Variants in TFEB observed in about 807,000 individuals in gnomAD.
TFEB encodes the protein transcription factor EB.
In TFEB, 12 loss-of-function variants were observed where a neutral mutation model predicts 48.0. That is an observed-to-expected ratio of 0.25 (90% CI 0.16 to 0.40). The LOEUF (loss-of-function observed/expected upper bound fraction) is 0.40, where lower values mean the gene tolerates loss of function less well. Ranked by LOEUF, TFEB falls within the 10% of genes least tolerant of loss-of-function variation. The probability of loss-of-function intolerance (pLI) is 1.00; values close to 1 mark genes in which losing one functional copy is unlikely to be tolerated. For missense variants in TFEB, 509 were observed against 640.3 expected (o/e 0.79, Z 2.21); for synonymous variants, 244 against 261.4 (o/e 0.93, Z 0.64).
rs962854973 is a variant in TFEB at position 41,724,278 on chromosome 6, G to A, written c.-23+11072C>T. Among the ~76,000 whole-genome samples the A allele has an allele frequency of 2.0e-5, 3 of 152,184 alleles. No individual in the cohort carries two copies. The highest frequency in any genetic ancestry group is 2.9e-5 in the Non-Finnish European group (2 of 68,034). ...TTCTGGTGGCCAAGGGATTCCCATC[G>A]TTGATAAGCAAATACCCTGTATTAA... On this transcript the variant is annotated intron_variant, in intron 1 of 8. Coordinates refer to ENST00000373033, the MANE Select transcript of TFEB (RefSeq NM_001271944.2). The surrounding 1 kb of genome is among the most constrained non-coding windows in gnomAD (Gnocchi z 4.4).
rs1342312085 is a variant in TFEB, at chr6:41,724,309, G to A, written c.-23+11041C>T. On this transcript the variant is annotated intron_variant, in intron 1 of 8. Coordinates refer to ENST00000373033, the MANE Select transcript of TFEB (RefSeq NM_001271944.2). The surrounding 1 kb of genome is among the most constrained non-coding windows in gnomAD (Gnocchi z 4.4). ...AAGCAAATACCCTGTATTAAGAAAGGTTAAGCTATTATCGGTCGTCTGCGT... is the reference window on the plus strand; with the variant it reads ...AAGCAAATACCCTGTATTAAGAAAGATTAAGCTATTATCGGTCGTCTGCGT... Among the ~76,000 whole-genome samples, 1 of 152,232 alleles carries A rather than the reference G, an allele frequency of 6.6e-6. No homozygotes were observed. The highest frequency in any genetic ancestry group is 6.5e-5 in the Admixed American group (1 of 15,286).
chr6:41,728,133 C>A (rs1170493106), intron 1 of TFEB, among the ~76,000 whole-genome samples: 1 of 152,248 alleles, frequency 6.6e-6, no homozygotes, highest in Admixed American at 6.5e-5. Context: ...GTACATTAGT[C>A]TACACTAGCT....
At position 41,723,810 on chromosome 6, in the gene TFEB, C is replaced by G; in HGVS notation, c.-23+11540G>C. The stretch of plus-strand genomic sequence containing the variant: ...CCACAGGAGGCCTCTCATGGCCGCC[C>G]TGACCCCAGCCTGACCTCAGAGGGC... On this transcript the variant is annotated intron_variant, in intron 1 of 8. Coordinates refer to ENST00000373033, the MANE Select transcript of TFEB (RefSeq NM_001271944.2). This position sits in a 1 kb window ranked among gnomAD's most constrained non-coding sequence, Gnocchi z 6.0. The G allele has an allele frequency of 2.5e-6, 1 of 397,346 alleles. No individual in the cohort carries two copies. The allele number at this position is 397,346 out of a possible 1,614,324, so 24.6% of individuals were successfully genotyped here. A position where few individuals can be genotyped will look rare whatever the true frequency, so the allele number is the denominator to read the frequency against.
Position 41,690,418 on chromosome 6 carries a change from C to T in TFEB, c.468+245G>A, listed in dbSNP as rs1561851004. 5.3e-5 allele frequency among the ~76,000 whole-genome samples: 8 copies of T among 152,228 alleles called. No individual in the cohort carries two copies. In the South Asian group the frequency reaches 1.7e-3, roughly 31 times the overall value. ...GTGCTGGGATTACAGGCGTGAGCCA[C>T]GGCACCTGACTTCCTAGCAGAGCTT... is the stretch of plus-strand genomic sequence containing the variant. On this transcript the variant is annotated intron_variant, in intron 3 of 8. Coordinates refer to ENST00000373033, the MANE Select transcript of TFEB (RefSeq NM_001271944.2).
At chr6:41,693,054 G>C (rs1221468041) in intron 1 of TFEB, among the ~76,000 whole-genome samples, 5 of 152,218 alleles carry the variant, frequency 3.3e-5, no homozygotes, top group Admixed American at 2.6e-4. Context: ...CTGGGAGGCT[G>C]AGTGCATGAG....
chr6:41,704,126 C>G (rs1202376253), intron 1 of TFEB, among the ~76,000 whole-genome samples: 1 of 152,180 alleles, frequency 6.6e-6, no homozygotes, highest in East Asian at 1.9e-4. Flanking sequence ...CCTCCTTCCC[C>G]TCAAGATATC....
rs768400942 is a variant in TFEB, at chr6:41,690,709, T to C, written c.422A>G (p.Asn141Ser). ...LSSSAGNSAP[N>S]SPMAMLHIGS... Reference sequence around the variant, plus strand: ...AATGTGCAGCATGGCCATGGGGCTATTGGGAGCACTGTTGCCAGCGGAGGA... The same window carrying C: ...AATGTGCAGCATGGCCATGGGGCTACTGGGAGCACTGTTGCCAGCGGAGGA... Residue 141 changes from asparagine to serine, a missense_variant, in exon 3 of 9, where the codon AAT (asparagine) becomes AGT (serine). Asn to Ser is a conservative substitution (Grantham distance 46). This residue lies in a region of TFEB where 251 missense variants were observed against 317.2 expected (regional missense o/e 0.79). Transcript: ENST00000373033. The C allele has an allele frequency of 1.9e-6, 3 of 1,575,902 alleles. No individual in the cohort carries two copies. Among genetic ancestry groups the C allele is most frequent in the Non-Finnish European group, 1.7e-6 (2 of 1,156,348 alleles).
At chr6:41,727,097 T>C (rs1404392264) in intron 1 of TFEB, among the ~76,000 whole-genome samples, 1 of 152,084 alleles carries the variant, frequency 6.6e-6, no homozygotes, top group African/African-American at 2.4e-5. Flanking sequence ...ACACACCCCT[T>C]CCTGGCCATG....
chr6:41,685,076 C>A lies in TFEB; in HGVS notation c.954G>T (p.Glu318Asp). The change falls in exon 9 of 9, where the codon GAG becomes GAT. Residue 318 changes from glutamate (E) to aspartate (D), a missense_variant and splice_region_variant. Glu to Asp is a conservative substitution (Grantham distance 45). This residue lies in a region of TFEB where 62 missense variants were observed against 90.2 expected (regional missense o/e 0.69). Transcript: ENST00000373033. ...CGTGCACTCGAGCCTGCATCTCCAG[C>A]TCCTGCAGGGGAGCAGACAGAAGGC... The part of the protein sequence containing the change: ...TNKQLWLRIQ[E>D]LEMQARVHGL... The A allele has an allele frequency of 6.9e-7, 1 of 1,441,318 alleles. No individual in the cohort carries two copies. Among genetic ancestry groups the A allele is most frequent in the Non-Finnish European group, 9.1e-7 (1 of 1,093,888 alleles). 89.3% of individuals were successfully genotyped at this position (1,441,318 alleles called of 1,614,324 possible). A position where few individuals can be genotyped will look rare whatever the true frequency, so the allele number is the denominator to read the frequency against.
chr6:41,685,311 GCTTT>G (rs1768942364), intron 8 of TFEB, among the ~76,000 whole-genome samples: 1 of 152,232 alleles, frequency 6.6e-6, no homozygotes, highest in African/African-American at 2.4e-5. Flanking sequence ...GTCTTGACCA[GCTTT>G]CTATTTTTTT....
intron 1 of TFEB, among the ~76,000 whole-genome samples, chr6:41,714,145 G>C (rs1469269951): frequency 6.7e-6 from 1 of 150,246 alleles, no homozygotes; most frequent in Non-Finnish European, 1.5e-5. Context: ...GTGTGCGTGT[G>C]TGTGCATGTG....
chr6:41,703,548 T>G (rs893990107), intron 1 of TFEB, among the ~76,000 whole-genome samples: 2 of 152,134 alleles, frequency 1.3e-5, no homozygotes, highest in Admixed American at 1.3e-4. Flanking sequence ...TTTTTAAGAG[T>G]CAAACCTGCT....
intron 1 of TFEB, among the ~76,000 whole-genome samples, chr6:41,703,480 T>TCAGCCTCCC (rs11282833): frequency 0.33 from 50,190 of 151,716 alleles, 8,986 homozygotes; most frequent in African/African-American, 0.49. Flanking sequence ...ATCTGCTGCC[T>TCAGCCTCCC]CAGCCTCCCC....
In TFEB at chr6:41,723,178, A is replaced by G. The variant is rs1488691452; in HGVS notation, c.-23+12172T>C. ...AACTCTGGCTGACTCCTGATTTCCC[A>G]CGCTGTCCAACCTGCACTCCAGAGC... is the stretch of plus-strand genomic sequence containing the variant. On this transcript the variant is annotated intron_variant, in intron 1 of 8. Transcript: ENST00000373033. This position sits in a 1 kb window ranked among gnomAD's most constrained non-coding sequence, Gnocchi z 6.0. Among the ~76,000 whole-genome samples the G allele has an allele frequency of 1.3e-5, 2 of 152,042 alleles. No homozygotes were observed. Among genetic ancestry groups the G allele is most frequent in the Middle Eastern group, 3.2e-3 (1 of 316 alleles).
Position 41,734,782 on chromosome 6 carries a change from A to C in TFEB, c.-23+568T>G. ...TGGAGGAAGGGACGGGAAGGGAGGG[A>C]GAGATGGTACTTCCACCCGCCCCCC... On this transcript the variant is annotated intron_variant, in intron 1 of 8. Transcript: ENST00000373033. The surrounding 1 kb of genome is among the most constrained non-coding windows in gnomAD (Gnocchi z 4.0). The C allele has an allele frequency of 9.4e-6, 6 of 635,940 alleles. No individual in the cohort carries two copies. The highest frequency in any genetic ancestry group is 1.2e-5 in the Non-Finnish European group (6 of 510,342). The allele number at this position is 635,940 out of a possible 1,614,324, so 39.4% of individuals were successfully genotyped here.
intron 1 of TFEB, among the ~76,000 whole-genome samples, chr6:41,696,421 G>A (rs1303603025): frequency 1.3e-5 from 2 of 152,184 alleles, no homozygotes; most frequent in African/African-American, 4.8e-5. Flanking sequence ...GGCCAGGCAT[G>A]GTGGTTCACA....
chr6:41,686,057 A>T (rs369187943), intron 8 of TFEB, 33 bp downstream of exon 8: 2 of 1,613,850 alleles, frequency 1.2e-6, no homozygotes, highest in Non-Finnish European at 1.7e-6. Flanking sequence ...TAAGGGTCAG[A>T]GTTACCAAAG....
intron 1 of TFEB, among the ~76,000 whole-genome samples, chr6:41,695,074 C>T (rs1353348678): frequency 6.6e-6 from 1 of 152,232 alleles, no homozygotes; most frequent in East Asian, 1.9e-4. Flanking sequence ...GTTCTGTAAT[C>T]CCACAGGCTC....
chr6:41,721,598 T>G (rs1421111401), intron 1 of TFEB, among the ~76,000 whole-genome samples: 1 of 152,220 alleles, frequency 6.6e-6, no homozygotes, highest in African/African-American at 2.4e-5. Flanking sequence ...GCAGCCCAAC[T>G]ATCTGCCTGG....
Sources: gnomAD v4.1 joint callset for allele counts (sites outside exome capture counted in the v4.1 genomes callset) on GRCh38, gnomAD v4.1.1 for gene constraint, gnomAD v4.1.1 regional missense constraint, Gnocchi (gnomAD v3.1) non-coding constraint, MANE v1.5 for transcripts, NCBI Gene and HGNC (gene_info 2026-07-23, HGNC 2026-07-21) for gene names.